SLC10A7: variants seen among roughly 807,000 people sequenced by gnomAD.
SLC10A7 encodes the protein sodium/bile acid cotransporter 7.
A neutral mutation model predicts 43.2 loss-of-function variants in SLC10A7; 29 were observed. That is an observed-to-expected ratio of 0.67 (90% confidence interval 0.50 to 0.92). The LOEUF (loss-of-function observed/expected upper bound fraction) is 0.92. Ranked by LOEUF, SLC10A7 falls within the 40% of genes least tolerant of loss-of-function variation. The probability of loss-of-function intolerance (pLI) is 0.00; values close to 1 mark genes in which losing one functional copy is unlikely to be tolerated. For missense variants in SLC10A7, 295 were observed against 403.2 expected, an observed-to-expected ratio of 0.73 and a Z score of 2.30; for synonymous variants, 152 against 144.8, an observed-to-expected ratio of 1.05 and a Z score of -0.35.
At chr4:146,338,809 T>C (rs933889559) in intron 5 of SLC10A7, among the ~76,000 whole-genome samples, 3 of 151,870 alleles carry the variant, frequency 2.0e-5, no homozygotes, top group African/African-American at 4.8e-5. Context: ...ACCATACATA[T>C]AAAGCAACAA....
intron 9 of SLC10A7, among the ~76,000 whole-genome samples, chr4:146,288,450 C>A (rs1185564452): frequency 1.3e-5 from 2 of 152,218 alleles, no homozygotes; most frequent in South Asian, 2.1e-4. Flanking sequence ...GTAGGTTAAG[C>A]AACTCCCCTA....
rs1731575368 is a variant in SLC10A7 at position 146,306,420 on chromosome 4, TG to T, written c.472-412del. 3.9e-5 allele frequency among the ~76,000 whole-genome samples: 6 copies of T among 152,272 alleles called. No homozygotes were observed. In the South Asian group the frequency reaches 1.2e-3, roughly 32 times the overall value. On this transcript the variant is annotated intron_variant, in intron 6 of 11. Transcript: ENST00000335472. Reference sequence around the variant, plus strand: ...AAGATAACATTTTTATTTATGTAAATGAAATAGTTTCTAACTTTCTGACTCC... The same window carrying T: ...AAGATAACATTTTTATTTATGTAAATAAATAGTTTCTAACTTTCTGACTCC...
At chr4:146,321,997 C>T (rs745653908) in intron 6 of SLC10A7, among the ~76,000 whole-genome samples, 2 of 152,098 alleles carry the variant, frequency 1.3e-5, no homozygotes, top group Admixed American at 6.5e-5. Context: ...GGGATAGCCC[C>T]GTTGACTCAG....
At chr4:146,453,611 T>C (rs1246873057) in intron 4 of SLC10A7, among the ~76,000 whole-genome samples, 1 of 152,010 alleles carries the variant, frequency 6.6e-6, no homozygotes, top group Admixed American at 6.6e-5. Flanking sequence ...TTTGATGGTA[T>C]TGATGGAATA....
intron 8 of SLC10A7, 106 bp from the exon 9 acceptor site, chr4:146,293,086 A>C: frequency 1.5e-6 from 1 of 660,034 alleles, no homozygotes; most frequent in Non-Finnish European, 2.5e-6. Context: ...CTAAAAAAGA[A>C]AAACAAACAA....
At chr4:146,449,123 G>T (rs566305175) in intron 4 of SLC10A7, among the ~76,000 whole-genome samples, 1 of 152,262 alleles carries the variant, frequency 6.6e-6, no homozygotes, top group African/African-American at 2.4e-5. Context: ...AGGAGCATCG[G>T]ATACACCCTG....
At chr4:146,467,562 CTT>C (rs397995707) in intron 4 of SLC10A7, among the ~76,000 whole-genome samples, 2 of 92,832 alleles carry the variant, frequency 2.2e-5, no homozygotes, top group South Asian at 4.1e-4. Context: ...TTCTTTCTCT[CTT>C]TTTTTTTTTT....
chr4:146,508,574 G>A (rs1272885277), intron 3 of SLC10A7, among the ~76,000 whole-genome samples: 2 of 152,050 alleles, frequency 1.3e-5, no homozygotes, highest in Non-Finnish European at 2.9e-5. Context: ...TTACCCAGTG[G>A]TTCATACCTA....
At chr4:146,452,193 T>C (rs1169489717) in intron 4 of SLC10A7, among the ~76,000 whole-genome samples, 4 of 152,130 alleles carry the variant, frequency 2.6e-5, no homozygotes, top group African/African-American at 4.8e-5. Context: ...TAATCTCTTG[T>C]TCCTATTGCA....
chr4:146,459,615 C>T (rs908047000), intron 4 of SLC10A7, among the ~76,000 whole-genome samples: 7 of 143,258 alleles, frequency 4.9e-5, no homozygotes, highest in Non-Finnish European at 9.3e-5. Context: ...CATCCACACA[C>T]AAAAAAAAAA....
chr4:146,488,779 C>A (rs1184909011), intron 4 of SLC10A7, among the ~76,000 whole-genome samples: 1 of 152,084 alleles, frequency 6.6e-6, no homozygotes, highest in Non-Finnish European at 1.5e-5. Context: ...GCAAAAATGC[C>A]ACAATATATA....
intron 7 of SLC10A7, among the ~76,000 whole-genome samples, chr4:146,296,431 C>G (rs1423755328): frequency 6.6e-6 from 1 of 152,080 alleles, no homozygotes; most frequent in Non-Finnish European, 1.5e-5. Flanking sequence ...TACTTAGAGT[C>G]TCATAGTAGA....
intron 5 of SLC10A7, among the ~76,000 whole-genome samples, chr4:146,364,733 C>G (rs918691134): frequency 6.6e-6 from 1 of 151,914 alleles, no homozygotes; most frequent in Non-Finnish European, 1.5e-5. Flanking sequence ...GCAACTATAG[C>G]TAGAAATAAT....
intron 5 of SLC10A7, among the ~76,000 whole-genome samples, chr4:146,436,694 C>G (rs1730244366): frequency 6.6e-6 from 1 of 151,956 alleles, no homozygotes. Flanking sequence ...CTCTTTCAAT[C>G]CTTTGGATTG....
chr4:146,322,720 C>T (rs1287569576), intron 6 of SLC10A7, among the ~76,000 whole-genome samples: 1 of 152,078 alleles, frequency 6.6e-6, no homozygotes, highest in Non-Finnish European at 1.5e-5. Context: ...GATTTATAAT[C>T]CTTTGGGTAT....
intron 10 of SLC10A7, among the ~76,000 whole-genome samples, chr4:146,271,225 AT>A: frequency 6.6e-6 from 1 of 152,284 alleles, no homozygotes; most frequent in East Asian, 1.9e-4. Flanking sequence ...AAAAAGACAT[AT>A]CAAACTTCAC....
intron 9 of SLC10A7, among the ~76,000 whole-genome samples, chr4:146,289,455 CT>C (rs1253873513): frequency 6.6e-6 from 1 of 152,104 alleles, no homozygotes; most frequent in African/African-American, 2.4e-5. Context: ...GCCTACCAAA[CT>C]TTTTAACTTT....
intron 4 of SLC10A7, among the ~76,000 whole-genome samples, chr4:146,496,084 G>A (rs894161627): frequency 6.6e-6 from 1 of 152,226 alleles, no homozygotes; most frequent in Non-Finnish European, 1.5e-5. Flanking sequence ...GCTGGGTGGA[G>A]CTGACCTCAC....
chr4:146,410,984 C>T (rs145335101), intron 5 of SLC10A7, among the ~76,000 whole-genome samples: 1 of 152,130 alleles, frequency 6.6e-6, no homozygotes, highest in East Asian at 1.9e-4. Context: ...CATGAGCCAC[C>T]ACGCCTGGCT....
Sources: gnomAD v4.1 joint callset for allele counts (sites outside exome capture counted in the v4.1 genomes callset) on GRCh38, gnomAD v4.1.1 for gene constraint, MANE v1.5 for transcripts, NCBI Gene and HGNC (gene_info 2026-07-23, HGNC 2026-07-21) for gene names.